Variants in EYA4 observed in about 807,000 individuals in gnomAD.
EYA4 encodes the protein EYA transcriptional coactivator and phosphatase 4.
A neutral mutation model predicts 87.9 loss-of-function variants in EYA4; 31 were observed. The ratio of observed to expected loss-of-function variants is 0.35; its 90% CI spans 0.27 to 0.48. The LOEUF is 0.48. EYA4 is among the 20% of genes least tolerant of loss of function. The pLI is 0.99. For synonymous variants in EYA4, 263 were observed against 270.6 expected, an observed-to-expected ratio of 0.97 and a Z score of 0.28; for missense variants, 678 against 761.4, an observed-to-expected ratio of 0.89 and a Z score of 1.29.
At chr6:133,275,415 C>T (rs1777082374) in intron 2 of EYA4, among the ~76,000 whole-genome samples, 1 of 152,158 alleles carries the variant, frequency 6.6e-6, no homozygotes, top group Non-Finnish European at 1.5e-5. Context: ...GGGAGGGCTT[C>T]CCTCACACCC....
intron 13 of EYA4, among the ~76,000 whole-genome samples, chr6:133,503,701 TC>T (rs1204911465): frequency 6.6e-6 from 1 of 152,016 alleles, no homozygotes; most frequent in African/African-American, 2.4e-5. Flanking sequence ...AATGCCTAGT[TC>T]CCCCAACCCT....
At chr6:133,435,871 A>G (rs1244477860) in intron 3 of EYA4, among the ~76,000 whole-genome samples, 3 of 151,988 alleles carry the variant, frequency 2.0e-5, no homozygotes, top group East Asian at 1.9e-4. Context: ...ACATGTGTGC[A>G]CACACACACA....
intron 2 of EYA4, among the ~76,000 whole-genome samples, chr6:133,313,222 T>C (rs1323378520): frequency 6.6e-6 from 1 of 152,138 alleles, no homozygotes; most frequent in Non-Finnish European, 1.5e-5. Context: ...TCCCTTTTAT[T>C]TTGGATAGAA....
intron 17 of EYA4, among the ~76,000 whole-genome samples, chr6:133,521,150 A>C (rs1800089046): frequency 6.6e-6 from 1 of 151,580 alleles, no homozygotes. Context: ...TGCACAGCAA[A>C]AGAAACTACC....
chr6:133,368,558 C>A (rs1785029464), intron 2 of EYA4, among the ~76,000 whole-genome samples: 1 of 152,164 alleles, frequency 6.6e-6, no homozygotes, highest in African/African-American at 2.4e-5. Context: ...TCAACAGGCT[C>A]CAACTGCTTG....
chr6:133,510,495 C>G (rs932882298), intron 14 of EYA4: 2 of 338,952 alleles, frequency 5.9e-6, no homozygotes, highest in Non-Finnish European at 1.2e-5. Context: ...TTATTTCCAA[C>G]CCTTATGCTA....
intron 2 of EYA4, among the ~76,000 whole-genome samples, chr6:133,364,114 C>G (rs2128452270): frequency 6.6e-6 from 1 of 152,314 alleles, no homozygotes; most frequent in South Asian, 2.1e-4. Flanking sequence ...TCAGTGTTCA[C>G]AATCAAGGAA....
At chr6:133,493,336 A>G (rs1040721997) in intron 13 of EYA4, among the ~76,000 whole-genome samples, 75 of 152,214 alleles carry the variant, frequency 4.9e-4, no homozygotes, top group Admixed American at 4.9e-3. Flanking sequence ...CCAAGCACAT[A>G]CATTGGGGAG....
At chr6:133,518,377 T>C (rs1295654085) in intron 17 of EYA4, among the ~76,000 whole-genome samples, 1 of 152,162 alleles carries the variant, frequency 6.6e-6, no homozygotes, top group East Asian at 1.9e-4. Flanking sequence ...TTACATGCTA[T>C]GGAATTTGCT....
intron 2 of EYA4, among the ~76,000 whole-genome samples, chr6:133,346,372 G>C (rs1783194968): frequency 6.6e-6 from 1 of 152,148 alleles, no homozygotes; most frequent in South Asian, 2.1e-4. Flanking sequence ...AGGCTTGAAA[G>C]ACTAGTAGTC....
chr6:133,521,203 G>A lies in EYA4; in HGVS notation c.1617-1853G>A, dbSNP rs531509919. On this transcript the variant is annotated intron_variant, in intron 17 of 19. Coordinates refer to ENST00000355286, the MANE Select transcript of EYA4 (RefSeq NM_004100.5). Reference sequence around the variant, plus strand: ...ACTGACAAAATGGGAGAAAATTTTCGCAACCTACTCATCTGACAAAGGGCT... The same window carrying A: ...ACTGACAAAATGGGAGAAAATTTTCACAACCTACTCATCTGACAAAGGGCT... 3.1e-3 allele frequency among the ~76,000 whole-genome samples: 473 copies of A among 151,996 alleles called. 1 individual carries two copies. Among genetic ancestry groups the A allele is most frequent in the Middle Eastern group, 0.01 (3 of 294 alleles).
intron 2 of EYA4, among the ~76,000 whole-genome samples, chr6:133,294,565 T>C (rs1235570129): frequency 6.6e-6 from 1 of 151,860 alleles, no homozygotes; most frequent in African/African-American, 2.4e-5. Context: ...ACATTTCTTC[T>C]TCTTTTTTTA....
rs1374342279 is a variant in EYA4 at position 133,241,460 on chromosome 6, C to G, written c.-355C>G. The stretch of plus-strand genomic sequence containing the variant: ...GACGACTGCGGCGGCTGGGCGCGCT[C>G]TCTCATTTTCTTTTCTTCTCCTTTC... On this transcript the variant is annotated 5_prime_UTR_variant, in exon 1 of 20. Coordinates refer to ENST00000355286, the MANE Select transcript of EYA4 (RefSeq NM_004100.5). 2.0e-5 allele frequency: 3 copies of G among 152,212 alleles called. No individual in the cohort carries two copies. The highest frequency in any genetic ancestry group is 4.8e-5 in the African/African-American group (2 of 41,418). The allele number at this position is 152,212 out of a possible 1,614,324, so 9.4% of individuals were successfully genotyped here.
intron 2 of EYA4, among the ~76,000 whole-genome samples, chr6:133,377,006 T>C (rs1785749375): frequency 6.6e-6 from 1 of 152,020 alleles, no homozygotes. Flanking sequence ...TTTATTCTGC[T>C]TTATTTTCAT....
chr6:133,448,431 A>T (rs371156732), intron 5 of EYA4, among the ~76,000 whole-genome samples: 1 of 152,144 alleles, frequency 6.6e-6, no homozygotes, highest in African/African-American at 2.4e-5. Flanking sequence ...CACCTAAATG[A>T]TGCATATATT....
At chr6:133,455,047 TATTA>T (rs1218072035) in intron 5 of EYA4, among the ~76,000 whole-genome samples, 1 of 152,194 alleles carries the variant, frequency 6.6e-6, no homozygotes, top group Non-Finnish European at 1.5e-5. Flanking sequence ...TAGTGATTTG[TATTA>T]ATTAGAGTTG....
At chr6:133,466,370 G>A (rs1794841081) in intron 10 of EYA4, among the ~76,000 whole-genome samples, 1 of 152,042 alleles carries the variant, frequency 6.6e-6, no homozygotes, top group Non-Finnish European at 1.5e-5. Flanking sequence ...ATCTGTATTT[G>A]GGACCATGGC....
In EYA4 at chr6:133,435,015, T is replaced by G. The variant is rs189317126; in HGVS notation, c.84-11615T>G. On this transcript the variant is annotated intron_variant, in intron 3 of 19. Coordinates refer to ENST00000355286, the MANE Select transcript of EYA4 (RefSeq NM_004100.5). Reference sequence around the variant, plus strand: ...ATGCTTGGAAAATCCATTGGATTTTTGTTTATTTCTTTGTTTTCCGATTAA... The same window carrying G: ...ATGCTTGGAAAATCCATTGGATTTTGGTTTATTTCTTTGTTTTCCGATTAA... The G allele has an allele frequency of 2.8e-4, 43 of 152,356 alleles. No individual in the cohort carries two copies. In the East Asian group the frequency reaches 8.3e-3, roughly 29 times the overall value. 9.4% of individuals were successfully genotyped at this position (152,356 alleles called of 1,614,324 possible).
chr6:133,456,826 T>C (rs1444245287), intron 6 of EYA4, among the ~76,000 whole-genome samples, 178 bp downstream of exon 6: 2 of 152,206 alleles, frequency 1.3e-5, no homozygotes, highest in East Asian at 3.8e-4. Context: ...TTATAAATTA[T>C]ATTTAGAATA....
Sources: allele counts gnomAD v4.1 joint callset (sites outside exome capture counted in the v4.1 genomes callset), GRCh38; gene constraint gnomAD v4.1.1; transcripts MANE v1.5; gene names NCBI Gene and HGNC (gene_info 2026-07-23, HGNC 2026-07-21).